C4orf51: variants seen among roughly 807,000 people sequenced by gnomAD.
C4orf51 encodes chromosome 4 open reading frame 51.
Under a neutral mutation model 25.2 loss-of-function variants are expected in C4orf51, and 25 were observed. The observed-to-expected ratio is 0.99, with a 90% CI of 0.72 to 1.39. C4orf51 has a LOEUF of 1.39. Ranked by LOEUF, C4orf51 falls within the 40% of genes most tolerant of loss-of-function variation. C4orf51 has a pLI of 0.00. For synonymous variants in C4orf51, 100 were observed against 84.5 expected (o/e 1.18, Z -1.01); for missense variants, 252 against 239.6 (o/e 1.05, Z -0.34).
chr4:145,749,478 C>T (rs1231314344), intron 1 of C4orf51, among the ~76,000 whole-genome samples: 1 of 151,398 alleles, frequency 6.6e-6, no homozygotes, highest in African/African-American at 2.4e-5. Flanking sequence ...TTGTGGTCTT[C>T]CTTCTTTTTT....
downstream of C4orf51, chr4:145,775,789 C>T: frequency 6.2e-7 from 1 of 1,614,158 alleles, no homozygotes; most frequent in Non-Finnish European, 8.5e-7. Context: ...TGCAACTCAC[C>T]TGTAATAATA....
At chr4:145,780,432 A>T in the C4orf51 span, among the ~76,000 whole-genome samples, 1 of 152,212 alleles carries the variant, frequency 6.6e-6, no homozygotes, top group African/African-American at 2.4e-5. Context: ...ATGAACCAGA[A>T]TTTCCCCCAA....
At chr4:145,706,837 G>A (rs1730840137) in intron 2 of C4orf51, among the ~76,000 whole-genome samples, 1 of 142,334 alleles carries the variant, frequency 7.0e-6, no homozygotes, top group South Asian at 2.3e-4. Context: ...TTGAGACAGA[G>A]TTTCCCTCTT....
chr4:145,691,837 A>G (rs1407647432), intron 1 of C4orf51, among the ~76,000 whole-genome samples: 1 of 87,006 alleles, frequency 1.1e-5, no homozygotes, highest in East Asian at 3.9e-4. Flanking sequence ...TGTTTGGGTG[A>G]CAGGTTCAAT....
chr4:145,709,610 G>A (rs1179014813), intron 2 of C4orf51, among the ~76,000 whole-genome samples: 2 of 152,244 alleles, frequency 1.3e-5, no homozygotes, highest in African/African-American at 4.8e-5. Flanking sequence ...TTGCCCCTGA[G>A]GCAGACAGTC....
Position 145,724,880 on chromosome 4 carries a change from CAAAAAAA to C in C4orf51, c.308-2014_308-2008del, listed in dbSNP as rs1222983724. 3.2e-3 allele frequency among the ~76,000 whole-genome samples: 220 copies of C among 68,312 alleles called. No individual in the cohort carries two copies. The South Asian group carries it at 0.034, about 11-fold the overall frequency. The allele number at this position is 68,312 out of a possible 152,430, so 44.8% of individuals were successfully genotyped here. Reference sequence around the variant, plus strand: ...CCTGGGTGGCAGAGCAAGACTGTCTCAAAAAAAAAAAAAAAAAAAAAAAGAAAGAAAA... The same window carrying C: ...CCTGGGTGGCAGAGCAAGACTGTCTCAAAAAAAAAAAAAAAAGAAAGAAAA... On this transcript the variant is annotated intron_variant, in intron 2 of 5. Transcript: ENST00000438731.
chr4:145,738,452 A>G (rs1026234824), intron 1 of C4orf51, among the ~76,000 whole-genome samples: 95 of 59,860 alleles, frequency 1.6e-3, no homozygotes, highest in African/African-American at 4.5e-3. Context: ...TCTATCTCGA[A>G]AAAAAACATA....
At chr4:145,722,802 G>A (rs577639792) in intron 2 of C4orf51, among the ~76,000 whole-genome samples, 17 of 152,158 alleles carry the variant, frequency 1.1e-4, no homozygotes, top group South Asian at 6.2e-4. Flanking sequence ...CCTGAGCTCC[G>A]CCTCCTGTCA....
chr4:145,734,267 G>A (rs1431667423), downstream of C4orf51, among the ~76,000 whole-genome samples: 11 of 152,184 alleles, frequency 7.2e-5, no homozygotes, highest in Admixed American at 2.0e-4. Context: ...GGAACCGGCA[G>A]GTTCATAGAC....
At chr4:145,725,160 CTGT>C in intron 2 of C4orf51, among the ~76,000 whole-genome samples, 1 of 151,420 alleles carries the variant, frequency 6.6e-6, no homozygotes, top group Non-Finnish European at 1.5e-5. Context: ...CAAACACCGC[CTGT>C]TCCCAAAAAA....
chr4:145,748,741 T>C (rs1443232126), intron 1 of C4orf51, among the ~76,000 whole-genome samples: 1 of 152,116 alleles, frequency 6.6e-6, no homozygotes, highest in Non-Finnish European at 1.5e-5. Flanking sequence ...TTAGAGGAGA[T>C]GCTTGATTTT....
intron 1 of C4orf51, among the ~76,000 whole-genome samples, chr4:145,694,437 C>T (rs1221055935): frequency 4.8e-5 from 6 of 126,132 alleles, no homozygotes; most frequent in Admixed American, 1.5e-4. Flanking sequence ...TCTGCCCGGC[C>T]GCCCCTTCTG....
the C4orf51 span, among the ~76,000 whole-genome samples, chr4:145,782,677 A>G: frequency 6.6e-6 from 1 of 152,018 alleles, no homozygotes; most frequent in African/African-American, 2.4e-5. Context: ...CGAGGCACAA[A>G]TCTCATCATG....
intron 2 of C4orf51, among the ~76,000 whole-genome samples, chr4:145,716,011 T>C (rs1731388389): frequency 6.6e-6 from 1 of 152,212 alleles, no homozygotes; most frequent in Admixed American, 6.5e-5. Flanking sequence ...TAGTAAACTA[T>C]ATTTACTAAT....
intron 2 of C4orf51, among the ~76,000 whole-genome samples, chr4:145,700,177 C>T (rs879185532): frequency 3.1e-5 from 4 of 129,102 alleles, no homozygotes; most frequent in Non-Finnish European, 1.7e-5. Context: ...CTCTATGCCC[C>T]AATCCCTTAT....
intron 1 of C4orf51, among the ~76,000 whole-genome samples, chr4:145,684,028 G>T (rs1445227114): frequency 2.6e-5 from 4 of 152,116 alleles, no homozygotes; most frequent in African/African-American, 7.2e-5. Flanking sequence ...ATTTGAAAAA[G>T]ATTTGTTTGA....
Position 145,729,975 on chromosome 4 carries a change from T to G in C4orf51, c.501+10T>G. ...AGGTGTCCTAAAGCATGTAAGAATC[T>G]TTTTACTTGCCATGCAACAGTGGAT... On this transcript the variant is annotated intron_variant, in intron 5 of 5. Transcript: ENST00000438731. 6.2e-7 allele frequency: 1 copy of G among 1,612,580 alleles called. No individual in the cohort carries two copies. The highest frequency in any genetic ancestry group is 8.5e-7 in the Non-Finnish European group (1 of 1,178,688).
intron 2 of C4orf51, among the ~76,000 whole-genome samples, chr4:145,713,504 A>G (rs1425440835): frequency 2.0e-5 from 3 of 152,260 alleles, no homozygotes; most frequent in Admixed American, 6.5e-5. Flanking sequence ...CAAGAGAACT[A>G]GAATTAGAGG....
At chr4:145,700,626 C>A (rs1325311492) in intron 2 of C4orf51, among the ~76,000 whole-genome samples, 3 of 152,138 alleles carry the variant, frequency 2.0e-5, no homozygotes, top group Non-Finnish European at 2.9e-5. Flanking sequence ...AGGTGCCTGA[C>A]GTCCAGGCAT....
Sources: gnomAD v4.1 joint callset for allele counts (sites outside exome capture counted in the v4.1 genomes callset) on GRCh38, gnomAD v4.1.1 for gene constraint, MANE v1.5 for transcripts, NCBI Gene and HGNC (gene_info 2026-07-23, HGNC 2026-07-21) for gene names.